Variants in VWF observed in about 807,000 individuals in gnomAD.
VWF encodes the protein von Willebrand factor.
In VWF, 176 loss-of-function variants were observed where a neutral mutation model predicts 308.6. That is an observed-to-expected ratio of 0.57 (90% CI 0.50 to 0.65). The LOEUF is 0.65. Among genes scored for constraint, VWF ranks in the 30% least tolerant of loss-of-function variants. The pLI is 0.00. For synonymous variants in VWF, 1,385 were observed against 1,443.4 expected (o/e 0.96, Z 0.92); for missense variants, 3,146 against 3,648.2 (o/e 0.86, Z 3.55).
chr12:6,023,129 C>T (rs1300093696), intron 25 of VWF, among the ~76,000 whole-genome samples: 1 of 151,930 alleles, frequency 6.6e-6, no homozygotes, highest in Non-Finnish European at 1.5e-5. Context: ...GCTATGTTGC[C>T]CAGGCTGGTC....
rs758811948 is a variant in VWF, at chr12:6,046,862, T to C, written c.2187-45A>G. 1.3e-6 allele frequency: 2 copies of C among 1,572,250 alleles called. No individual in the cohort carries two copies. The highest frequency in any genetic ancestry group is 3.4e-5 in the Admixed American group (2 of 59,244). On this transcript the variant is annotated intron_variant, in intron 16 of 51. Transcript: ENST00000261405. The surrounding 1 kb of genome is among the most constrained non-coding windows in gnomAD (Gnocchi z 5.0). The stretch of plus-strand genomic sequence containing the variant: ...AGCCGAGCTTCACGAGACTCGTCTA[T>C]ACTCGCTGCCTCCACATCTTCACCT...
At chr12:6,079,417 T>G (rs1012966712) in intron 6 of VWF, among the ~76,000 whole-genome samples, 1 of 151,792 alleles carries the variant, frequency 6.6e-6, no homozygotes, top group Non-Finnish European at 1.5e-5. Flanking sequence ...CCATCCTGGC[T>G]AACACGGTGA....
intron 3 of VWF, among the ~76,000 whole-genome samples, chr12:6,116,070 CA>C: frequency 6.6e-6 from 1 of 152,306 alleles, no homozygotes; most frequent in Middle Eastern, 3.4e-3. Flanking sequence ...ATGCAGAACT[CA>C]GGGGCATCAG....
At chr12:6,050,965 A>AAG in intron 16 of VWF, among the ~76,000 whole-genome samples, 1 of 152,216 alleles carries the variant, frequency 6.6e-6, no homozygotes, top group Non-Finnish European at 1.5e-5. Flanking sequence ...CAAAAAAAAA[A>AAG]AAAAGAAGTG....
intron 5 of VWF, chr12:6,096,099 GGATGGATA>G (rs1018317623): frequency 4.7e-4 from 79 of 169,160 alleles, no homozygotes; most frequent in Middle Eastern, 5.9e-3. Context: ...GAAGAAGGAT[GGATGGATA>G]GATGGATGGA....
At chr12:5,959,753 T>C (rs1946197048) in intron 47 of VWF, among the ~76,000 whole-genome samples, 2 of 151,976 alleles carry the variant, frequency 1.3e-5, no homozygotes, top group Admixed American at 1.3e-4. Context: ...AAAATACTTT[T>C]AAATAACCCA....
At chr12:6,102,665 GTGGACCTT>G (rs1260001705) in intron 5 of VWF, among the ~76,000 whole-genome samples, 3 of 152,002 alleles carry the variant, frequency 2.0e-5, no homozygotes, top group African/African-American at 7.3e-5. Flanking sequence ...AACCTGGGAG[GTGGACCTT>G]GCAGTGAGCC....
intron 6 of VWF, among the ~76,000 whole-genome samples, chr12:6,081,837 C>T (rs1000509933): frequency 5.9e-5 from 9 of 152,242 alleles, no homozygotes; most frequent in South Asian, 2.1e-4. Context: ...TAAATGCAGA[C>T]GCAGATATGA....
chr12:5,983,074 G>T, intron 41 of VWF, 76 bp downstream of exon 41: 1 of 1,404,462 alleles, frequency 7.1e-7, no homozygotes. Flanking sequence ...CTTGGAAGAG[G>T]TCCCTGAGGA....
chr12:6,082,587 T>C (rs938039247), intron 6 of VWF, among the ~76,000 whole-genome samples: 11 of 152,232 alleles, frequency 7.2e-5, no homozygotes, highest in Non-Finnish European at 1.6e-4. Flanking sequence ...TGTAACCTCC[T>C]CTTGGGGCAG....
chr12:5,958,789 GATAA>G (rs1943278896), intron 47 of VWF, among the ~76,000 whole-genome samples: 1 of 152,114 alleles, frequency 6.6e-6, no homozygotes, highest in Non-Finnish European at 1.5e-5. Flanking sequence ...CCTCTGCTTG[GATAA>G]ATGATAGTAG....
In VWF at chr12:6,075,391, C is replaced by T. The variant is rs764566111; in HGVS notation, c.818G>A (p.Arg273Gln). The T allele has an allele frequency of 9.9e-6, 16 of 1,614,020 alleles. No individual in the cohort carries two copies. Among genetic ancestry groups the T allele is most frequent in the Middle Eastern group, 1.6e-4 (1 of 6,084 alleles). Reference protein sequence around the residue: ...CACPALLEYARTCAQEGMVLY... With the variant: ...CACPALLEYAQTCAQEGMVLY... Reference sequence around the variant, plus strand: ...CACCATTCCCTCCTGGGCACAGGTCCGGGCGTACTCCAGGAGGGCAGGGCA... The same window carrying T: ...CACCATTCCCTCCTGGGCACAGGTCTGGGCGTACTCCAGGAGGGCAGGGCA... Residue 273 changes from arginine to glutamine, a missense_variant, in exon 7 of 52, where the codon CGG becomes CAG. This residue lies in a region of VWF where 1,304 missense variants were observed against 1,353.0 expected (regional missense o/e 0.96). Coordinates refer to ENST00000261405, the MANE Select transcript of VWF (RefSeq NM_000552.5). This position sits in a 1 kb window ranked among gnomAD's most constrained non-coding sequence, Gnocchi z 4.7.
chr12:6,057,764 G>A (rs1944604118), intron 14 of VWF, 85 bp downstream of exon 14: 8 of 1,462,066 alleles, frequency 5.5e-6, no homozygotes, highest in African/African-American at 1.4e-5. Context: ...CTCCGCGGTG[G>A]GAGCACTGCC....
intron 34 of VWF, 70 bp from the exon 35 acceptor site, chr12:5,996,292 C>T (rs1943808232): frequency 7.0e-7 from 1 of 1,424,212 alleles, no homozygotes; most frequent in South Asian, 1.2e-5. Context: ...TGCAGACAGG[C>T]AGGTGTGACC....
At chr12:5,975,711 C>G (rs1207628070) in intron 43 of VWF, among the ~76,000 whole-genome samples, 1 of 152,190 alleles carries the variant, frequency 6.6e-6, no homozygotes, top group Non-Finnish European at 1.5e-5. Context: ...CTTTTCTAGG[C>G]ATTTAGTCCT....
At chr12:6,000,642 CAA>C (rs1162521877) in intron 34 of VWF, among the ~76,000 whole-genome samples, 1 of 142,306 alleles carries the variant, frequency 7.0e-6, no homozygotes, top group Admixed American at 7.0e-5. Flanking sequence ...CCCGTCTCTA[CAA>C]AAAAAAAAAT....
At chr12:5,993,664 T>TATATACACAC (rs1943769643) in intron 37 of VWF, among the ~76,000 whole-genome samples, 198 bp downstream of exon 37, 1 of 144,122 alleles carries the variant, frequency 6.9e-6, no homozygotes, top group Admixed American at 7.0e-5. Flanking sequence ...TATATATATA[T>TATATACACAC]ACACACACAC....
intron 6 of VWF, chr12:6,095,214 A>T: frequency 1.8e-6 from 1 of 547,384 alleles, no homozygotes; most frequent in Non-Finnish European, 3.3e-6. Context: ...ACCCAGTCTC[A>T]GGCATTTGTT....
At chr12:6,080,820 CGT>C (rs1312146638) in intron 6 of VWF, among the ~76,000 whole-genome samples, 1 of 152,226 alleles carries the variant, frequency 6.6e-6, no homozygotes, top group East Asian at 1.9e-4. Context: ...GACCCTTCCG[CGT>C]GTGTTCCTGC....
Sources: gnomAD v4.1 joint callset for allele counts (sites outside exome capture counted in the v4.1 genomes callset) on GRCh38, gnomAD v4.1.1 for gene constraint, gnomAD v4.1.1 regional missense constraint, Gnocchi (gnomAD v3.1) non-coding constraint, MANE v1.5 for transcripts, NCBI Gene and HGNC (gene_info 2026-07-23, HGNC 2026-07-21) for gene names.